The following NAA25 variants were observed in gnomAD, a reference collection of about 807,000 sequenced individuals.
NAA25 encodes N-alpha-acetyltransferase 25, NatB auxiliary subunit.
Under a neutral mutation model 132.5 loss-of-function variants are expected in NAA25, and 30 were observed. That is an observed-to-expected ratio of 0.23 (90% CI 0.17 to 0.31). The LOEUF is 0.31. NAA25 is among the 10% of genes least tolerant of loss of function. The pLI is 1.00. For synonymous variants in NAA25, 359 were observed against 401.9 expected, an observed-to-expected ratio of 0.89 and a Z score of 1.28; for missense variants, 771 against 1,150.4, an observed-to-expected ratio of 0.67 and a Z score of 4.77.
At chr12:112,035,575 T>C (rs2078213433) in intron 22 of NAA25, among the ~76,000 whole-genome samples, 1 of 152,154 alleles carries the variant, frequency 6.6e-6, no homozygotes, top group Non-Finnish European at 1.5e-5. Context: ...TAAATACCCT[T>C]TGTTTGTGAA....
chr12:112,043,817 C>T lies in NAA25; in HGVS notation c.2058G>A (p.Trp686Ter). ...TCAATGTTAAGGATCGGATTCTTAA[C>T]CACAAGGTCTCCTCCTCTAAGGAAA... ...KKLSLEEETL[W>*]LRIRSLTLRL... The change falls in exon 18 of 24, where the codon TGG (tryptophan) becomes TGA (stop). Residue 686 changes from tryptophan (W) to a stop codon, truncating the protein, a stop_gained. Transcript: ENST00000261745. LOFTEE classifies it high-confidence loss of function. The T allele has an allele frequency of 6.2e-7, 1 of 1,614,134 alleles. No homozygotes were observed. The highest frequency in any genetic ancestry group is 8.5e-7 in the Non-Finnish European group (1 of 1,179,992).
At chr12:112,103,281 C>T (rs1455813385) in intron 1 of NAA25, among the ~76,000 whole-genome samples, 1 of 152,198 alleles carries the variant, frequency 6.6e-6, no homozygotes, top group African/African-American at 2.4e-5. Flanking sequence ...GCCACCTCAC[C>T]CAGCCAAACC....
At chr12:112,062,400 CA>C (rs750872314) in intron 11 of NAA25, among the ~76,000 whole-genome samples, 2,846 of 84,318 alleles carry the variant, frequency 0.034, 60 homozygotes, top group African/African-American at 0.081. Context: ...GACTCCATCT[CA>C]AAAAAAAAAA....
chr12:112,049,680 G>A lies in NAA25; in HGVS notation c.1729-1237C>T, dbSNP rs2078433978. ...TTACTTGTGATCCTGCAGGTTTCAA[G>A]AAGGACTACCTGAAAAAGCTCGAGT... On this transcript the variant is annotated intron_variant, in intron 15 of 23. Transcript: ENST00000261745. This position sits in a 1 kb window ranked among gnomAD's most constrained non-coding sequence, Gnocchi z 4.7. The A allele has an allele frequency of 1.0e-6, 1 of 980,866 alleles. No homozygotes were observed. Among genetic ancestry groups the A allele is most frequent in the African/African-American group, 1.7e-5 (1 of 57,158 alleles). 60.8% of individuals were successfully genotyped at this position (980,866 alleles called of 1,614,324 possible).
Position 112,068,941 on chromosome 12 carries a change from G to T in NAA25, c.1088C>A (p.Pro363His), listed in dbSNP as rs770360259. Residue 363 changes from proline to histidine, a missense_variant, in exon 11 of 24, where the codon CCT becomes CAT. Transcript: ENST00000261745. ...CACCTTAAGGTCTGTAAAACAACAA[G>T]GTTTATCGCCAAACTTTTTAAAATA... ...FQYFKKFGDK[P>H]CCFTDLKVFV... The T allele has an allele frequency of 4.3e-6, 7 of 1,613,524 alleles. No individual in the cohort carries two copies. The Admixed American group carries it at 1.2e-4, about 27-fold the overall frequency.
chr12:112,029,528 T>C lies in NAA25; in HGVS notation c.*3A>G, dbSNP rs2078122560. 6.2e-7 allele frequency: 1 copy of C among 1,614,038 alleles called. No individual in the cohort carries two copies. Among genetic ancestry groups the C allele is most frequent in the East Asian group, 2.2e-5 (1 of 44,874 alleles). ...GTCATCAGTGCCCATGATAGATACT[T>C]CCTTAAATTTTTAGTTTCTTTGTGG... On this transcript the variant is annotated 3_prime_UTR_variant, in exon 24 of 24. Coordinates refer to ENST00000261745, the MANE Select transcript of NAA25 (RefSeq NM_024953.4).
intron 1 of NAA25, among the ~76,000 whole-genome samples, chr12:112,102,732 G>A (rs2079311919): frequency 7.2e-6 from 1 of 138,844 alleles, no homozygotes. Context: ...TGGAGCCCAG[G>A]CTGGAGTGCA....
chr12:112,053,546 T>C lies in NAA25; in HGVS notation c.1728+12A>G. On this transcript the variant is annotated intron_variant, in intron 15 of 23. Coordinates refer to ENST00000261745, the MANE Select transcript of NAA25 (RefSeq NM_024953.4). ...AGACAAGATCACAGTTAAAAAATAG[T>C]TTTTCACTTACATCTTTCTGGTTGG... 1.3e-6 allele frequency: 2 copies of C among 1,582,806 alleles called. No homozygotes were observed.
At chr12:112,067,154 G>A (rs1208979949) in intron 11 of NAA25, among the ~76,000 whole-genome samples, 2 of 151,974 alleles carry the variant, frequency 1.3e-5, no homozygotes, top group Admixed American at 6.6e-5. Flanking sequence ...AGCAGAGATC[G>A]CGCCAACACA....
At chr12:112,081,218 T>C in intron 4 of NAA25, 84 bp from the exon 5 acceptor site, 1 of 1,132,708 alleles carries the variant, frequency 8.8e-7, no homozygotes, top group South Asian at 1.3e-5. Context: ...AAAAGTTTCT[T>C]GGGAGAACAG....
chr12:112,071,956 T>C lies in NAA25; in HGVS notation c.975A>G (p.Leu325=). Residue 325 remains leucine (L), a synonymous_variant, in exon 10 of 24, where the codon CTA becomes CTG. Transcript: ENST00000261745. ...AACGCCTAATCAGCTCCAATTTAGCTAGATGTGGTCCTCGGAGATGGCGAG... is the reference window on the plus strand; with the variant it reads ...AACGCCTAATCAGCTCCAATTTAGCCAGATGTGGTCCTCGGAGATGGCGAG... ...KSSRHLRGPH[L]AKLELIRRLR... is the part of the protein sequence containing the mutation. The C allele has an allele frequency of 1.2e-6, 2 of 1,614,146 alleles. No individual in the cohort carries two copies. The highest frequency in any genetic ancestry group is 1.1e-5 in the South Asian group (1 of 91,084).
Position 112,028,418 on chromosome 12 carries a change from A to G in NAA25, c.*1113T>C, listed in dbSNP as rs1280101036. On this transcript the variant is annotated 3_prime_UTR_variant, in exon 24 of 24. Coordinates refer to ENST00000261745, the MANE Select transcript of NAA25 (RefSeq NM_024953.4). Reference sequence around the variant, plus strand: ...TAGAAGAAGCTAGAGTCTTGGGGACATCCAGGTGAACAAAGTAAACACCAT... The same window carrying G: ...TAGAAGAAGCTAGAGTCTTGGGGACGTCCAGGTGAACAAAGTAAACACCAT... The G allele has an allele frequency of 1.3e-5, 2 of 152,544 alleles. No individual in the cohort carries two copies. Among genetic ancestry groups the G allele is most frequent in the African/African-American group, 2.4e-5 (1 of 41,450 alleles). The allele number at this position is 152,544 out of a possible 1,614,324, so 9.4% of individuals were successfully genotyped here. A position where few individuals can be genotyped will look rare whatever the true frequency, so the allele number is the denominator to read the frequency against.
intron 16 of NAA25, 85 bp from the exon 17 acceptor site, chr12:112,047,875 C>T: frequency 7.4e-7 from 1 of 1,343,614 alleles, no homozygotes; most frequent in Non-Finnish European, 1.0e-6. Flanking sequence ...TTTTACTAGA[C>T]AGGAAGGGAA....
In NAA25 at chr12:112,048,280, T is replaced by G. The variant is rs780026811; in HGVS notation, c.1880+12A>C. The G allele has an allele frequency of 1.2e-6, 2 of 1,609,610 alleles. No homozygotes were observed. The highest frequency in any genetic ancestry group is 1.7e-6 in the Non-Finnish European group (2 of 1,176,906). On this transcript the variant is annotated intron_variant, in intron 16 of 23. Coordinates refer to ENST00000261745, the MANE Select transcript of NAA25 (RefSeq NM_024953.4). ...TCCCTTAGTTCCTTTATAGCTCTCA[T>G]GCAATACTTACATATTTGCTTCAAG...
intron 1 of NAA25, among the ~76,000 whole-genome samples, chr12:112,095,122 C>T (rs572757019): frequency 6.6e-6 from 1 of 152,160 alleles, no homozygotes; most frequent in African/African-American, 2.4e-5. Flanking sequence ...GGCAACACAG[C>T]AAGACACCAT....
At chr12:112,073,713 G>C (rs1031080066) in intron 9 of NAA25, among the ~76,000 whole-genome samples, 1 of 152,174 alleles carries the variant, frequency 6.6e-6, no homozygotes, top group South Asian at 2.1e-4. Flanking sequence ...GATAACAGGC[G>C]TGAGCCACTG....
At chr12:112,067,633 C>T (rs1284939783) in intron 11 of NAA25, among the ~76,000 whole-genome samples, 2 of 151,866 alleles carry the variant, frequency 1.3e-5, no homozygotes, top group Non-Finnish European at 1.5e-5. Flanking sequence ...TCACTGGAAC[C>T]CAGGAGGTAG....
At chr12:112,099,450 A>C (rs928300017) in intron 1 of NAA25, among the ~76,000 whole-genome samples, 1 of 152,130 alleles carries the variant, frequency 6.6e-6, no homozygotes, top group South Asian at 2.1e-4. Context: ...TAATTATAAA[A>C]TAAATTTAAT....
intron 4 of NAA25, among the ~76,000 whole-genome samples, chr12:112,083,161 G>A (rs1329596708): frequency 1.3e-5 from 2 of 152,130 alleles, no homozygotes; most frequent in African/African-American, 4.8e-5. Flanking sequence ...GGATGGGGTA[G>A]ATCAAATAGA....
Sources: gnomAD v4.1 joint callset for allele counts (sites outside exome capture counted in the v4.1 genomes callset) on GRCh38, gnomAD v4.1.1 for gene constraint, Gnocchi (gnomAD v3.1) non-coding constraint, MANE v1.5 for transcripts, NCBI Gene and HGNC (gene_info 2026-07-23, HGNC 2026-07-21) for gene names.